The following TRAPPC10 variants were observed in gnomAD, a reference collection of about 807,000 sequenced individuals.
The protein encoded by TRAPPC10 is TRAPP 130 kDa subunit.
A neutral mutation model predicts 125.5 loss-of-function variants in TRAPPC10; 23 were observed. The ratio of observed to expected loss-of-function variants is 0.18; its 90% CI spans 0.13 to 0.26. The LOEUF (loss-of-function observed/expected upper bound fraction) is 0.26, where lower values mean the gene tolerates loss of function less well. Among genes scored for constraint, TRAPPC10 ranks in the 10% least tolerant of loss-of-function variants. TRAPPC10 has a pLI of 1.00. For synonymous variants in TRAPPC10, 509 were observed against 518.0 expected (o/e 0.98, Z 0.24); for missense variants, 1,123 against 1,308.4 (o/e 0.86, Z 2.19).
At chr21:44,034,058 A>G (rs1056327276) in intron 2 of TRAPPC10, among the ~76,000 whole-genome samples, 8 of 152,208 alleles carry the variant, frequency 5.3e-5, no homozygotes, top group African/African-American at 1.2e-4. Context: ...AGGAGGAGGC[A>G]GCGGAGGCCG....
At chr21:44,024,732 A>G (rs1335586002) in intron 1 of TRAPPC10, among the ~76,000 whole-genome samples, 1 of 152,186 alleles carries the variant, frequency 6.6e-6, no homozygotes, top group Non-Finnish European at 1.5e-5. Flanking sequence ...GAAAAAATCT[A>G]ATTGCTTTAT....
intron 5 of TRAPPC10, among the ~76,000 whole-genome samples, chr21:44,057,252 A>G (rs1028972554): frequency 1.3e-5 from 2 of 152,024 alleles, no homozygotes; most frequent in African/African-American, 2.4e-5. Context: ...TGGTTGCACA[A>G]TAGTGTGAGT....
At chr21:44,080,493 G>T (rs2037613313) in intron 13 of TRAPPC10, among the ~76,000 whole-genome samples, 1 of 151,414 alleles carries the variant, frequency 6.6e-6, no homozygotes, top group Non-Finnish European at 1.5e-5. Context: ...TTAGATCTCA[G>T]TTCTCTTTTA....
chr21:44,041,752 A>G, intron 3 of TRAPPC10, among the ~76,000 whole-genome samples: 1 of 151,086 alleles, frequency 6.6e-6, no homozygotes, highest in East Asian at 2.0e-4. Context: ...TTTGAGACGG[A>G]CTCTCACTCT....
At chr21:44,050,606 A>G (rs969977309) in intron 3 of TRAPPC10, among the ~76,000 whole-genome samples, 2 of 152,210 alleles carry the variant, frequency 1.3e-5, no homozygotes, top group Non-Finnish European at 1.5e-5. Context: ...CTTCCAGCAC[A>G]GAATGGTTCA....
chr21:44,094,265 GTGA>G (rs2038777967), intron 20 of TRAPPC10, 32 bp downstream of exon 20: 21 of 1,520,220 alleles, frequency 1.4e-5, no homozygotes, highest in East Asian at 2.3e-5. Context: ...GAGGGTGGGG[GTGA>G]AAAAATGAAA....
chr21:44,080,032 G>C lies in TRAPPC10; in HGVS notation c.1628G>C (p.Ser543Thr), dbSNP rs757441295. ...GQIENYLQTS[S>T]LLASDHHLTE... ...CGCTCCAGCTACCTGCAGACCAGCA[G>C]CCTCTTAGCCAGTGACCACCACCTC... The change falls in exon 13 of 23, where the codon AGC becomes ACC. Residue 543 changes from serine (S) to threonine (T), a missense_variant. Transcript: ENST00000291574. The C allele has an allele frequency of 1.2e-6, 2 of 1,614,088 alleles. No individual in the cohort carries two copies. The highest frequency in any genetic ancestry group is 1.7e-6 in the Non-Finnish European group (2 of 1,180,012).
At chr21:44,060,596 A>G (rs932155627) in intron 6 of TRAPPC10, among the ~76,000 whole-genome samples, 1 of 145,844 alleles carries the variant, frequency 6.9e-6, no homozygotes, top group Non-Finnish European at 1.5e-5. Flanking sequence ...ATATTATACA[A>G]ACATATCTAT....
Position 44,083,222 on chromosome 21 carries a change from C to G in TRAPPC10, c.2158C>G (p.Leu720Val). 1 of 1,614,144 alleles carries G rather than the reference C, an allele frequency of 6.2e-7. No homozygotes were observed. The highest frequency in any genetic ancestry group is 8.5e-7 in the Non-Finnish European group (1 of 1,180,014). The change falls in exon 14 of 23, where the codon CTG becomes GTG. Residue 720 changes from leucine to valine, a missense_variant. By Grantham distance (32) the Leu-to-Val change is conservative. Transcript: ENST00000291574. ...TCTAGAGATGCCCTCAGGGGTGGCT[C>G]TGGAGGAGGGTGCCCACGTGCTGAG... ...SSLEMPSGVA[L>V]EEGAHVLRCS...
At chr21:44,076,434 T>C (rs1174313371) in intron 9 of TRAPPC10, 118 bp from the exon 10 acceptor site, 13 of 731,480 alleles carry the variant, frequency 1.8e-5, no homozygotes, top group Non-Finnish European at 3.1e-5. Flanking sequence ...ATTGGCCGGT[T>C]TGTAATTTCA....
At chr21:44,015,000 C>G (rs556439964) in intron 1 of TRAPPC10, among the ~76,000 whole-genome samples, 2 of 152,102 alleles carry the variant, frequency 1.3e-5, no homozygotes, top group Non-Finnish European at 2.9e-5. Context: ...TTCAGCTATA[C>G]ATGTTTTGAA....
intron 6 of TRAPPC10, among the ~76,000 whole-genome samples, chr21:44,061,340 C>T (rs996725587): frequency 2.0e-5 from 3 of 152,106 alleles, no homozygotes; most frequent in East Asian, 1.9e-4. Flanking sequence ...GGGGTTTCAC[C>T]GTGTTAGCCA....
At chr21:44,092,126 C>T (rs775149590) in intron 19 of TRAPPC10, 77 bp downstream of exon 19, 96 of 1,557,430 alleles carry the variant, frequency 6.2e-5, no homozygotes, top group Admixed American at 1.9e-4. Context: ...GTATGTGTTG[C>T]GACTGAGCCT....
chr21:44,030,728 A>G (rs1193285957), intron 1 of TRAPPC10, among the ~76,000 whole-genome samples: 2 of 152,180 alleles, frequency 1.3e-5, no homozygotes, highest in Admixed American at 6.5e-5. Flanking sequence ...TCGGCCTCCC[A>G]AAATGCTGGG....
intron 7 of TRAPPC10, among the ~76,000 whole-genome samples, chr21:44,067,263 T>A (rs2036520370): frequency 6.6e-6 from 1 of 152,008 alleles, no homozygotes; most frequent in Non-Finnish European, 1.5e-5. Context: ...AAGAAGAAGG[T>A]TTACAGTCAA....
Position 44,055,708 on chromosome 21 carries a change from C to G in TRAPPC10, c.493C>G (p.Leu165Val), listed in dbSNP as rs2035540850. 6.2e-7 allele frequency: 1 copy of G among 1,604,568 alleles called. No individual in the cohort carries two copies. Among genetic ancestry groups the G allele is most frequent in the Non-Finnish European group, 8.5e-7 (1 of 1,172,450 alleles). The change falls in exon 5 of 23, where the codon CTC becomes GTC. Residue 165 changes from leucine to valine, a missense_variant. Transcript: ENST00000291574. The stretch of plus-strand genomic sequence containing the variant: ...TTCATGTCTTTGCAGGTGTGTTGTG[C>G]TCTCCGACCCCTTGAAGGACTCTTC... ...CNKQSDRCVV[L>V]SDPLKDSSRT...
chr21:44,067,083 T>G (rs1052597165), intron 7 of TRAPPC10, among the ~76,000 whole-genome samples: 5 of 152,172 alleles, frequency 3.3e-5, no homozygotes, highest in Non-Finnish European at 1.5e-5. Flanking sequence ...TAGCTGCTGG[T>G]TATGTAACAG....
Position 44,082,638 on chromosome 21 carries a change from A to G in TRAPPC10, c.1724-150A>G. 1.3e-6 allele frequency: 1 copy of G among 776,310 alleles called. No homozygotes were observed. Among genetic ancestry groups the G allele is most frequent in the Non-Finnish European group, 2.1e-6 (1 of 470,942 alleles). The allele number at this position is 776,310 out of a possible 1,614,324, so 48.1% of individuals were successfully genotyped here. ...ATACAATAGCCTTTGGGGGGTGTGA[A>G]GATGGCAGGAGGCTGGGCTCAGCTG... is the stretch of plus-strand genomic sequence containing the variant. On this transcript the variant is annotated intron_variant, in intron 13 of 22. Transcript: ENST00000291574. The surrounding 1 kb of genome is among the most constrained non-coding windows in gnomAD (Gnocchi z 4.4).
intron 1 of TRAPPC10, among the ~76,000 whole-genome samples, chr21:44,014,677 C>A (rs946120110): frequency 2.7e-5 from 4 of 150,798 alleles, no homozygotes; most frequent in South Asian, 4.2e-4. Context: ...TGTCCACCTG[C>A]GCAGCCTCCC....
Sources: allele counts gnomAD v4.1 joint callset (sites outside exome capture counted in the v4.1 genomes callset), GRCh38; gene constraint gnomAD v4.1.1; non-coding constraint Gnocchi (gnomAD v3.1); transcripts MANE v1.5; gene names NCBI Gene and HGNC (gene_info 2026-07-23, HGNC 2026-07-21).